Variants in RALYL observed in about 807,000 individuals in gnomAD.
RALYL encodes the protein RALY RNA binding protein like.
A neutral mutation model predicts 35.1 loss-of-function variants in RALYL; 29 were observed. The ratio of observed to expected loss-of-function variants is 0.83; its 90% confidence interval spans 0.61 to 1.13. The LOEUF is 1.13. Among genes scored for constraint, RALYL ranks in the 50% most tolerant of loss-of-function variants. RALYL has a pLI of 0.00. For missense variants in RALYL, 359 were observed against 360.4 expected, an observed-to-expected ratio of 1.00 and a Z score of 0.03; for synonymous variants, 120 against 127.6, an observed-to-expected ratio of 0.94 and a Z score of 0.40.
chr8:84,240,408 T>C (rs1430498859), intron 1 of RALYL, among the ~76,000 whole-genome samples: 1 of 152,236 alleles, frequency 6.6e-6, no homozygotes, highest in African/African-American at 2.4e-5. Flanking sequence ...GGCCTCTTTC[T>C]TGCAATCAGT....
intron 8 of RALYL, among the ~76,000 whole-genome samples, chr8:84,908,863 C>A (rs1341928045): frequency 7.1e-6 from 1 of 141,074 alleles, no homozygotes; most frequent in Admixed American, 7.1e-5. Context: ...CCCTCCAGCA[C>A]TTTTTTTTTT....
At chr8:84,394,687 G>A (rs2131849734) in intron 1 of RALYL, among the ~76,000 whole-genome samples, 1 of 151,986 alleles carries the variant, frequency 6.6e-6, no homozygotes, top group East Asian at 1.9e-4. Flanking sequence ...ATTCACTGGT[G>A]ATAAACCCAT....
intron 8 of RALYL, among the ~76,000 whole-genome samples, chr8:84,911,092 A>G (rs372285425): frequency 4.6e-5 from 7 of 152,214 alleles, no homozygotes; most frequent in African/African-American, 1.7e-4. Flanking sequence ...GAATGACGTG[A>G]GCAAGATGGC....
intron 8 of RALYL, among the ~76,000 whole-genome samples, chr8:84,899,352 C>T (rs932842664): frequency 6.6e-6 from 1 of 151,714 alleles, no homozygotes; most frequent in South Asian, 2.1e-4. Flanking sequence ...GTACATTTCT[C>T]GGGGGTTATT....
At chr8:84,554,531 T>C (rs1273817691) in intron 2 of RALYL, among the ~76,000 whole-genome samples, 5 of 152,210 alleles carry the variant, frequency 3.3e-5, no homozygotes, top group Non-Finnish European at 7.3e-5. Flanking sequence ...TGAATCACTG[T>C]ATGTTCATCA....
intron 1 of RALYL, among the ~76,000 whole-genome samples, chr8:84,485,480 TGA>T (rs1413190888): frequency 3.3e-5 from 5 of 152,102 alleles, no homozygotes; most frequent in African/African-American, 1.2e-4. Flanking sequence ...CTCAGGAGGC[TGA>T]GACAGTAGCA....
chr8:84,865,147 A>C (rs1838930912), intron 6 of RALYL, among the ~76,000 whole-genome samples: 2 of 152,346 alleles, frequency 1.3e-5, no homozygotes, highest in East Asian at 3.9e-4. Flanking sequence ...TGCATGTATA[A>C]ATATTCATTA....
intron 2 of RALYL, among the ~76,000 whole-genome samples, chr8:84,660,909 A>G (rs1830777595): frequency 6.6e-6 from 1 of 151,814 alleles, no homozygotes; most frequent in South Asian, 2.1e-4. Context: ...TTACATTATT[A>G]TTTTTATTTG....
chr8:84,680,087 G>A (rs1476208969), intron 2 of RALYL, among the ~76,000 whole-genome samples: 1 of 151,924 alleles, frequency 6.6e-6, no homozygotes, highest in Non-Finnish European at 1.5e-5. Context: ...ACCTATGAGT[G>A]AGAACATGCG....
intron 2 of RALYL, among the ~76,000 whole-genome samples, chr8:84,749,359 G>A (rs1326647211): frequency 6.6e-6 from 1 of 151,934 alleles, no homozygotes; most frequent in Non-Finnish European, 1.5e-5. Flanking sequence ...ATATGGCTTT[G>A]CCTTAAATGC....
At chr8:84,424,039 C>A (rs1236391519) in intron 1 of RALYL, among the ~76,000 whole-genome samples, 2 of 151,872 alleles carry the variant, frequency 1.3e-5, no homozygotes, top group Non-Finnish European at 2.9e-5. Flanking sequence ...TGGAGTTGCT[C>A]TTCTTGAGGA....
intron 4 of RALYL, among the ~76,000 whole-genome samples, chr8:84,810,371 C>CAATAAAA (rs1825644938): frequency 6.6e-6 from 1 of 151,932 alleles, no homozygotes; most frequent in Non-Finnish European, 1.5e-5. Context: ...TTCAATTTTC[C>CAATAAAA]TAAATTTATT....
intron 8 of RALYL, among the ~76,000 whole-genome samples, chr8:84,916,866 G>T (rs1052444685): frequency 6.6e-6 from 1 of 152,104 alleles, no homozygotes; most frequent in Non-Finnish European, 1.5e-5. Context: ...AGTAAAACAT[G>T]ATGCAAAAGT....
chr8:84,530,339 A>G (rs2059194814), intron 2 of RALYL, among the ~76,000 whole-genome samples: 1 of 152,014 alleles, frequency 6.6e-6, no homozygotes, highest in Admixed American at 6.6e-5. Flanking sequence ...AATATATCAA[A>G]CTCATTGTAC....
chr8:84,872,990 G>A, intron 6 of RALYL: 1 of 234,854 alleles, frequency 4.3e-6, no homozygotes, highest in East Asian at 9.0e-5. Context: ...GTAAAATTTA[G>A]CATCATTGGG....
chr8:84,576,016 A>G (rs1406556254), intron 2 of RALYL, among the ~76,000 whole-genome samples: 1 of 152,050 alleles, frequency 6.6e-6, no homozygotes, highest in Non-Finnish European at 1.5e-5. Flanking sequence ...TTATTATTCT[A>G]TCATATCCTT....
chr8:84,252,672 A>G (rs1357666196), intron 1 of RALYL, among the ~76,000 whole-genome samples: 4 of 152,136 alleles, frequency 2.6e-5, no homozygotes, highest in Non-Finnish European at 4.4e-5. Context: ...AGTCTGAGGC[A>G]AGTGTGATTC....
chr8:84,450,549 A>G (rs1427377158), intron 1 of RALYL, among the ~76,000 whole-genome samples: 1 of 151,880 alleles, frequency 6.6e-6, no homozygotes, highest in Non-Finnish European at 1.5e-5. Context: ...TGGCTGCGGC[A>G]CAAACTAGTA....
At chr8:84,589,513 TA>T (rs1812757174) in intron 2 of RALYL, among the ~76,000 whole-genome samples, 1 of 152,254 alleles carries the variant, frequency 6.6e-6, no homozygotes, top group South Asian at 2.1e-4. Flanking sequence ...TTCATATGTA[TA>T]ATTTATATGA....
Sources: gnomAD v4.1 joint callset for allele counts (sites outside exome capture counted in the v4.1 genomes callset) on GRCh38, gnomAD v4.1.1 for gene constraint, MANE v1.5 for transcripts, NCBI Gene and HGNC (gene_info 2026-07-23, HGNC 2026-07-21) for gene names.